OSBP2: variants seen among roughly 807,000 people sequenced by gnomAD.
OSBP2 encodes oxysterol binding protein 2.
In OSBP2, 66 loss-of-function variants were observed where a neutral mutation model predicts 96.0. The ratio of observed to expected loss-of-function variants is 0.69; its 90% CI spans 0.56 to 0.84. The LOEUF is 0.84. Ranked by LOEUF, OSBP2 falls within the 40% of genes least tolerant of loss-of-function variation. The pLI, the probability that OSBP2 is intolerant of heterozygous loss-of-function variation, is 0.00. For synonymous variants in OSBP2, 525 were observed against 520.9 expected, an observed-to-expected ratio of 1.01 and a Z score of -0.11; for missense variants, 1,038 against 1,222.7, an observed-to-expected ratio of 0.85 and a Z score of 2.25.
chr22:30,887,715 G>A, intron 4 of OSBP2, 97 bp downstream of exon 4: 1 of 1,108,060 alleles, frequency 9.0e-7, no homozygotes, highest in South Asian at 1.5e-5. Context: ...CCCTGGCTGT[G>A]CCCACATGTG....
chr22:30,720,555 A>G (rs945252076), intron 1 of OSBP2, among the ~76,000 whole-genome samples: 2 of 152,120 alleles, frequency 1.3e-5, no homozygotes, highest in Admixed American at 1.3e-4. Flanking sequence ...TGAAATGCAC[A>G]CTCAATATCC....
intron 2 of OSBP2, among the ~76,000 whole-genome samples, chr22:30,857,697 GT>G (rs1487612144): frequency 6.6e-6 from 1 of 152,232 alleles, no homozygotes; most frequent in Admixed American, 6.5e-5. Flanking sequence ...AAGACTGAAG[GT>G]TAAGATGTTA....
chr22:30,864,010 G>C (rs1047786866), intron 2 of OSBP2, among the ~76,000 whole-genome samples: 1 of 149,092 alleles, frequency 6.7e-6, no homozygotes, highest in Non-Finnish European at 1.5e-5. Flanking sequence ...TGACTCTGTC[G>C]CCCAGGCTGG....
At chr22:30,742,980 C>G (rs1180161396) in intron 2 of OSBP2, among the ~76,000 whole-genome samples, 1 of 152,236 alleles carries the variant, frequency 6.6e-6, no homozygotes, top group Non-Finnish European at 1.5e-5. Context: ...ACACCTCCCA[C>G]AGCCTTGCCT....
intron 2 of OSBP2, among the ~76,000 whole-genome samples, chr22:30,768,697 CAAAA>C (rs1021490177): frequency 6.6e-6 from 1 of 151,610 alleles, no homozygotes; most frequent in East Asian, 1.9e-4. Flanking sequence ...AAAACAAAAA[CAAAA>C]ACCAAGAGCA....
intron 2 of OSBP2, chr22:30,773,296 C>G (rs1291577348): frequency 6.6e-6 from 1 of 152,548 alleles, no homozygotes; most frequent in Admixed American, 6.5e-5. Context: ...CCTAACTAGG[C>G]CTCCCAAAGT....
intron 2 of OSBP2, among the ~76,000 whole-genome samples, chr22:30,792,654 A>G (rs1391390894): frequency 6.6e-6 from 1 of 152,210 alleles, no homozygotes; most frequent in East Asian, 1.9e-4. Flanking sequence ...TCTTCGGCCA[A>G]TTATCATTGG....
chr22:30,774,391 C>T (rs948457883), intron 2 of OSBP2, among the ~76,000 whole-genome samples: 9 of 152,126 alleles, frequency 5.9e-5, no homozygotes, highest in East Asian at 1.9e-4. Context: ...TGTGAGGTGA[C>T]GGTCATTGTG....
chr22:30,840,226 GA>G (rs1481501359), intron 2 of OSBP2, among the ~76,000 whole-genome samples: 7 of 143,004 alleles, frequency 4.9e-5, no homozygotes, highest in African/African-American at 1.6e-4. Context: ...AAAAAAGAAA[GA>G]AACTTAAAGT....
chr22:30,699,108 AT>A (rs2089113304), intron 1 of OSBP2, among the ~76,000 whole-genome samples: 1 of 151,768 alleles, frequency 6.6e-6, no homozygotes, highest in East Asian at 1.9e-4. Flanking sequence ...TGCCCAGCTA[AT>A]TTTTTGTGTG....
chr22:30,876,328 A>G (rs2147123136), intron 3 of OSBP2, among the ~76,000 whole-genome samples: 1 of 152,270 alleles, frequency 6.6e-6, no homozygotes, highest in Admixed American at 6.5e-5. Context: ...GCCTCTGGAC[A>G]GTTCTCCAGT....
chr22:30,838,538 A>G (rs1457765715), intron 2 of OSBP2, among the ~76,000 whole-genome samples: 1 of 152,190 alleles, frequency 6.6e-6, no homozygotes, highest in Non-Finnish European at 1.5e-5. Flanking sequence ...AATCCTTGCC[A>G]TGGTCCTAGT....
At chr22:30,730,756 CTCTCTCT>C (rs2089745137) in intron 1 of OSBP2, among the ~76,000 whole-genome samples, 1 of 44,898 alleles carries the variant, frequency 2.2e-5, no homozygotes, top group Non-Finnish European at 4.3e-5. Context: ...CTCTCTCTCT[CTCTCTCT>C]CTCTCTCTCT....
At chr22:30,778,333 A>ACACACACACC (rs528319552) in intron 2 of OSBP2, among the ~76,000 whole-genome samples, 42 of 148,908 alleles carry the variant, frequency 2.8e-4, no homozygotes, top group East Asian at 7.9e-4. Flanking sequence ...ACACACACAC[A>ACACACACACC]CCCACTGACA....
At chr22:30,858,163 G>A (rs891584518) in intron 2 of OSBP2, among the ~76,000 whole-genome samples, 5 of 143,360 alleles carry the variant, frequency 3.5e-5, no homozygotes, top group South Asian at 4.5e-4. Flanking sequence ...TTTTTGAGAC[G>A]GAGTCTCGCT....
intron 2 of OSBP2, among the ~76,000 whole-genome samples, chr22:30,792,094 T>A (rs1369781586): frequency 1.3e-5 from 2 of 152,094 alleles, no homozygotes; most frequent in African/African-American, 4.8e-5. Context: ...GGTGGATCAC[T>A]GGAGGTCAGG....
Position 30,821,963 on chromosome 22 carries a change from G to C in OSBP2, c.854-48466G>C, listed in dbSNP as rs140542931. On this transcript the variant is annotated intron_variant, in intron 2 of 13. Coordinates refer to ENST00000332585, the MANE Select transcript of OSBP2 (RefSeq NM_030758.4). ...AGTGGAGTTGTGTTCAAAGGCCTGG[G>C]CAAATACCTTGTGACCAGATGCCTG... Among the ~76,000 whole-genome samples, 905 of 152,356 alleles carry C rather than the reference G, an allele frequency of 5.9e-3. 3 individuals carry two copies. Among genetic ancestry groups the C allele is most frequent in the Middle Eastern group, 0.027 (8 of 294 alleles).
At chr22:30,747,551 G>A (rs551070313) in intron 2 of OSBP2, among the ~76,000 whole-genome samples, 8 of 152,134 alleles carry the variant, frequency 5.3e-5, no homozygotes, top group Non-Finnish European at 1.0e-4. Context: ...CCACACACAC[G>A]TATAAAATTA....
intron 2 of OSBP2, among the ~76,000 whole-genome samples, chr22:30,816,237 A>G (rs138853415): frequency 1.3e-5 from 2 of 152,334 alleles, no homozygotes; most frequent in African/African-American, 4.8e-5. Context: ...TACATTCAAT[A>G]GATTTGTATT....
Sources: allele counts gnomAD v4.1 joint callset (sites outside exome capture counted in the v4.1 genomes callset), GRCh38; gene constraint gnomAD v4.1.1; transcripts MANE v1.5; gene names NCBI Gene and HGNC (gene_info 2026-07-23, HGNC 2026-07-21).